EPS8: variants seen among roughly 807,000 people sequenced by gnomAD.
EPS8 encodes epidermal growth factor receptor kinase substrate 8.
EPS8 carries 42 observed loss-of-function variants against 103.8 expected under a neutral mutation model. That is an observed-to-expected ratio of 0.40 (90% CI 0.32 to 0.52). The LOEUF is 0.52. EPS8 is among the 20% of genes least tolerant of loss of function. The pLI, the probability that EPS8 is intolerant of heterozygous loss-of-function variation, is 0.40. For missense variants in EPS8, 969 were observed against 1,005.1 expected, an observed-to-expected ratio of 0.96 and a Z score of 0.49; for synonymous variants, 344 against 344.6, an observed-to-expected ratio of 1.00 and a Z score of 0.02.
At chr12:15,662,999 C>CAAAAAA (rs5796644) in intron 8 of EPS8, among the ~76,000 whole-genome samples, 3 of 128,690 alleles carry the variant, frequency 2.3e-5, no homozygotes, top group East Asian at 2.2e-4. Flanking sequence ...CACTTGCCAA[C>CAAAAAA]AAAAAAAAAA....
rs1947340455 is a variant in EPS8 at position 15,789,053 on chromosome 12, G to A, written c.-22+108C>T. ...AGTCAAAGTGAAGGGAGGCGGACGC[G>A]GCTCCTGGCACCGCTCCGATTCCAG... On this transcript the variant is annotated intron_variant, in intron 1 of 20. Transcript: ENST00000281172. The surrounding 1 kb of genome is among the most constrained non-coding windows in gnomAD (Gnocchi z 6.1). The A allele has an allele frequency of 6.6e-6, 1 of 152,180 alleles. No homozygotes were observed. The highest frequency in any genetic ancestry group is 6.5e-5 in the Admixed American group (1 of 15,284). The allele number at this position is 152,180 out of a possible 1,614,324, so 9.4% of individuals were successfully genotyped here. A position where few individuals can be genotyped will look rare whatever the true frequency, so the allele number is the denominator to read the frequency against.
rs113527509 is a variant in EPS8, at chr12:15,716,792, G to A, written c.-21-33820C>T. On this transcript the variant is annotated intron_variant, in intron 1 of 20. Transcript: ENST00000281172. The surrounding 1 kb of genome is among the most constrained non-coding windows in gnomAD (Gnocchi z 5.0). ...CATAAATTGTTAGGACAACCAAGCAGAATCGATCAACAATGTCACAATCCA... is the reference window on the plus strand; with the variant it reads ...CATAAATTGTTAGGACAACCAAGCAAAATCGATCAACAATGTCACAATCCA... Among the ~76,000 whole-genome samples, 186 of 152,250 alleles carry A rather than the reference G, an allele frequency of 1.2e-3. No individual in the cohort carries two copies. The highest frequency in any genetic ancestry group is 2.1e-3 in the South Asian group (10 of 4,822).
Position 15,640,785 on chromosome 12 carries a change from AC to A in EPS8, c.1738del (p.Val580CysfsTer9). 6.2e-7 allele frequency: 1 copy of A among 1,613,860 alleles called. No homozygotes were observed. The highest frequency in any genetic ancestry group is 8.5e-7 in the Non-Finnish European group (1 of 1,179,724). On this transcript the variant is annotated frameshift_variant, in exon 17 of 21. Transcript: ENST00000281172. LOFTEE classifies it high-confidence loss of function. ...VRNASGDSGFVPNNILDIVRP... is the reference protein window; with the variant it reads ...VRNASGDSGFXPNNILDIVRP... Reference sequence around the variant, plus strand: ...CACAATATCCAAAATGTTATTTGGCACAAATCCAGAGTCTCCACTTGCATTT... The same window carrying A: ...CACAATATCCAAAATGTTATTTGGCAAAATCCAGAGTCTCCACTTGCATTT...
chr12:15,779,189 G>C lies in EPS8; in HGVS notation c.-22+9972C>G, dbSNP rs1947236162. On this transcript the variant is annotated intron_variant, in intron 1 of 20. Coordinates refer to ENST00000281172, the MANE Select transcript of EPS8 (RefSeq NM_004447.6). The surrounding 1 kb of genome is among the most constrained non-coding windows in gnomAD (Gnocchi z 4.3). Reference sequence around the variant, plus strand: ...GACAGGGCGTCTCTATGTTTGTCAGGCTGGTCTCGAACTCCCAAACTCAGG... The same window carrying C: ...GACAGGGCGTCTCTATGTTTGTCAGCCTGGTCTCGAACTCCCAAACTCAGG... Among the ~76,000 whole-genome samples the C allele has an allele frequency of 6.6e-6, 1 of 152,104 alleles. No individual in the cohort carries two copies. Among genetic ancestry groups the C allele is most frequent in the South Asian group, 2.1e-4 (1 of 4,832 alleles).
chr12:15,788,639 G>A (rs574668618), intron 1 of EPS8, among the ~76,000 whole-genome samples: 1 of 152,208 alleles, frequency 6.6e-6, no homozygotes, highest in East Asian at 1.9e-4. Flanking sequence ...ACAGCCATTA[G>A]GCATTGACAA....
At chr12:15,674,998 A>G (rs1032728120) in intron 3 of EPS8, among the ~76,000 whole-genome samples, 7 of 152,192 alleles carry the variant, frequency 4.6e-5, no homozygotes, top group African/African-American at 1.7e-4. Flanking sequence ...AAACAGAGAG[A>G]CTAGCTCCAA....
chr12:15,750,075 T>A (rs536650423), intron 1 of EPS8, among the ~76,000 whole-genome samples: 6 of 152,144 alleles, frequency 3.9e-5, no homozygotes, highest in Admixed American at 6.5e-5. Context: ...TGGATGAAGA[T>A]AAGAAGAAAA....
At position 15,697,966 on chromosome 12, in the gene EPS8, T is replaced by G. The variant is rs1946263784; in HGVS notation, c.-21-14994A>C. ...CCTTGACTTTGTTCCATGAAGTTCATGTCTATTACAGAAATTTCTCTATGG... is the reference window on the plus strand; with the variant it reads ...CCTTGACTTTGTTCCATGAAGTTCAGGTCTATTACAGAAATTTCTCTATGG... On this transcript the variant is annotated intron_variant, in intron 1 of 20. Coordinates refer to ENST00000281172, the MANE Select transcript of EPS8 (RefSeq NM_004447.6). The surrounding 1 kb of genome is among the most constrained non-coding windows in gnomAD (Gnocchi z 5.6). 6.6e-6 allele frequency among the ~76,000 whole-genome samples: 1 copy of G among 152,180 alleles called. No homozygotes were observed. Among genetic ancestry groups the G allele is most frequent in the Admixed American group, 6.5e-5 (1 of 15,272 alleles).
Position 15,620,440 on chromosome 12 carries a change from A to G in EPS8, c.*877T>C, listed in dbSNP as rs1455437771. ...AATATGTGTAAATTAAGTGCTTCTT[A>G]TTACCAGAAATACTTGACACAGATA... On this transcript the variant is annotated 3_prime_UTR_variant, in exon 21 of 21. Coordinates refer to ENST00000281172, the MANE Select transcript of EPS8 (RefSeq NM_004447.6). 2.6e-5 allele frequency: 4 copies of G among 152,644 alleles called. No homozygotes were observed. Among genetic ancestry groups the G allele is most frequent in the Non-Finnish European group, 4.4e-5 (3 of 68,034 alleles). 9.5% of individuals were successfully genotyped at this position (152,644 alleles called of 1,614,324 possible).
At chr12:15,705,645 T>G (rs895982941) in intron 1 of EPS8, among the ~76,000 whole-genome samples, 2 of 152,202 alleles carry the variant, frequency 1.3e-5, no homozygotes, top group Admixed American at 1.3e-4. Context: ...TAACACTCAT[T>G]TAAAAAGCAA....
At chr12:15,741,119 A>C (rs1217721330) in intron 1 of EPS8, among the ~76,000 whole-genome samples, 7 of 152,238 alleles carry the variant, frequency 4.6e-5, no homozygotes, top group Non-Finnish European at 1.0e-4. Flanking sequence ...GCAGGCAGCC[A>C]GTACAGCTGC....
chr12:15,676,259 CAAAAA>C (rs888576581), intron 3 of EPS8, among the ~76,000 whole-genome samples: 2 of 16,320 alleles, frequency 1.2e-4, no homozygotes, highest in Non-Finnish European at 2.6e-4. Context: ...GACTCCATCT[CAAAAA>C]AAAAAAAAAA....
In EPS8 at chr12:15,771,840, G is replaced by T. The variant is rs1468185635; in HGVS notation, c.-22+17321C>A. On this transcript the variant is annotated intron_variant, in intron 1 of 20. Transcript: ENST00000281172. This position sits in a 1 kb window ranked among gnomAD's most constrained non-coding sequence, Gnocchi z 4.6. ...GCTAATTTCAATACAAAAGAAAGGG[G>T]AAGGCCGGGGGCGGTGGCTCATGCC... Among the ~76,000 whole-genome samples, 1 of 152,110 alleles carries T rather than the reference G, an allele frequency of 6.6e-6. No individual in the cohort carries two copies. The highest frequency in any genetic ancestry group is 1.5e-5 in the Non-Finnish European group (1 of 68,026).
rs1947036193 is a variant in EPS8, at chr12:15,761,040, A to T, written c.-22+28121T>A. 6.6e-6 allele frequency among the ~76,000 whole-genome samples: 1 copy of T among 152,120 alleles called. No individual in the cohort carries two copies. The highest frequency in any genetic ancestry group is 1.5e-5 in the Non-Finnish European group (1 of 67,978). On this transcript the variant is annotated intron_variant, in intron 1 of 20. Transcript: ENST00000281172. The surrounding 1 kb of genome is among the most constrained non-coding windows in gnomAD (Gnocchi z 4.5). ...GCAGATGATATGATCTTATATTTGG[A>T]AAAACCTAAAGACACCACATCAAAA... is the stretch of plus-strand genomic sequence containing the variant.
intron 6 of EPS8, among the ~76,000 whole-genome samples, chr12:15,668,489 T>A (rs1369790429): frequency 6.6e-6 from 1 of 152,176 alleles, no homozygotes; most frequent in Non-Finnish European, 1.5e-5. Flanking sequence ...AGAAAACAAC[T>A]GAGGAAATAA....
At chr12:15,654,537 C>T in intron 12 of EPS8, 1 of 493,002 alleles carries the variant, frequency 2.0e-6, no homozygotes, top group Non-Finnish European at 3.6e-6. Context: ...TGCCTATGGG[C>T]TGCATATGAC....
At position 15,769,994 on chromosome 12, in the gene EPS8, GT is replaced by G. The variant is rs1947136711; in HGVS notation, c.-22+19166del. ...GTCTCGCTCTTTCACCCATGCTGCA[GT>G]GTAGTGGCATGATCTTGGCTCATTG... On this transcript the variant is annotated intron_variant, in intron 1 of 20. Coordinates refer to ENST00000281172, the MANE Select transcript of EPS8 (RefSeq NM_004447.6). This position sits in a 1 kb window ranked among gnomAD's most constrained non-coding sequence, Gnocchi z 4.6. Among the ~76,000 whole-genome samples, 1 of 150,412 alleles carries G rather than the reference GT, an allele frequency of 6.6e-6. No individual in the cohort carries two copies. Among genetic ancestry groups the G allele is most frequent in the Non-Finnish European group, 1.5e-5 (1 of 67,738 alleles).
intron 15 of EPS8, among the ~76,000 whole-genome samples, chr12:15,642,533 CAACTT>C: frequency 6.6e-6 from 1 of 152,038 alleles, no homozygotes; most frequent in East Asian, 1.9e-4. Context: ...ATAGATTTAA[CAACTT>C]AACTAAAGAT....
At chr12:15,644,201 T>G (rs928687147) in intron 15 of EPS8, among the ~76,000 whole-genome samples, 1 of 152,198 alleles carries the variant, frequency 6.6e-6, no homozygotes, top group African/African-American at 2.4e-5. Context: ...GGCTGCTGAC[T>G]GTTCAAATTG....
Sources: allele counts gnomAD v4.1 joint callset (sites outside exome capture counted in the v4.1 genomes callset), GRCh38; gene constraint gnomAD v4.1.1; non-coding constraint Gnocchi (gnomAD v3.1); transcripts MANE v1.5; gene names NCBI Gene and HGNC (gene_info 2026-07-23, HGNC 2026-07-21).